The following HSPA4L variants were observed in gnomAD, a reference collection of about 807,000 sequenced individuals.
HSPA4L encodes heat shock protein family A (Hsp70) member 4 like, also known as heat shock 70 kDa protein 4L.
In HSPA4L, 48 loss-of-function variants were observed where a neutral mutation model predicts 100.3. The observed-to-expected ratio is 0.48, with a 90% CI of 0.38 to 0.61. The LOEUF is 0.61. Ranked by LOEUF, HSPA4L falls within the 20% of genes least tolerant of loss-of-function variation. The pLI is 0.00. For synonymous variants in HSPA4L, 319 were observed against 328.2 expected, an observed-to-expected ratio of 0.97 and a Z score of 0.30; for missense variants, 886 against 988.6, an observed-to-expected ratio of 0.90 and a Z score of 1.39.
At chr4:127,823,902 G>A (rs1212951278) in intron 16 of HSPA4L, among the ~76,000 whole-genome samples, 2 of 152,082 alleles carry the variant, frequency 1.3e-5, no homozygotes, top group African/African-American at 4.8e-5. Flanking sequence ...ACAGTATATT[G>A]TTAAGTATAT....
intron 12 of HSPA4L, among the ~76,000 whole-genome samples, chr4:127,817,158 C>G (rs566104330): frequency 1.3e-5 from 2 of 152,006 alleles, no homozygotes; most frequent in Non-Finnish European, 2.9e-5. Context: ...CTCCGCCTCC[C>G]GGGTTCAAGC....
chr4:127,812,077 T>C (rs924724960), intron 12 of HSPA4L, among the ~76,000 whole-genome samples: 1 of 152,150 alleles, frequency 6.6e-6, no homozygotes, highest in Non-Finnish European at 1.5e-5. Flanking sequence ...TCTGAGACAG[T>C]TAAGCAGAGG....
chr4:127,787,343 C>A (rs907302936), intron 1 of HSPA4L, among the ~76,000 whole-genome samples: 3 of 151,992 alleles, frequency 2.0e-5, no homozygotes, highest in Non-Finnish European at 2.9e-5. Flanking sequence ...GTTAAATATT[C>A]TTTTTACTAC....
upstream of HSPA4L, chr4:127,782,133 G>GC: frequency 2.2e-6 from 1 of 452,042 alleles, no homozygotes; most frequent in South Asian, 1.6e-5. Flanking sequence ...TAGCTCAGCA[G>GC]CCTCCATTTT....
intron 8 of HSPA4L, among the ~76,000 whole-genome samples, chr4:127,804,570 C>G (rs1733294002): frequency 6.6e-6 from 1 of 151,536 alleles, no homozygotes; most frequent in Non-Finnish European, 1.5e-5. Flanking sequence ...TACGCCATTG[C>G]ACTCCAGCCT....
Position 127,827,312 on chromosome 4 carries a change from G to C in HSPA4L, c.2054G>C (p.Gly685Ala). Residue 685 changes from glycine to alanine, a missense_variant, in exon 17 of 19, where the codon GGC (glycine) becomes GCC (alanine). Gly to Ala is a moderately conservative substitution (Grantham distance 60, BLOSUM62 0). Coordinates refer to ENST00000296464, the MANE Select transcript of HSPA4L (RefSeq NM_014278.4). Reference protein sequence around the residue: ...VDKLQELKKYGQPIQMKYMEH... With the variant: ...VDKLQELKKYAQPIQMKYMEH... ...AATTTCTTATGTTAACAGAAATACG[G>C]CCAGCCTATTCAAATGAAGTACATG... The C allele has an allele frequency of 6.2e-7, 1 of 1,607,762 alleles. No individual in the cohort carries two copies. The highest frequency in any genetic ancestry group is 8.5e-7 in the Non-Finnish European group (1 of 1,177,448).
intron 12 of HSPA4L, among the ~76,000 whole-genome samples, chr4:127,817,288 A>G (rs1733692351): frequency 1.3e-5 from 2 of 151,250 alleles, no homozygotes; most frequent in African/African-American, 4.9e-5. Context: ...CTGGTCTTGA[A>G]CTCCTGACCT....
intron 1 of HSPA4L, among the ~76,000 whole-genome samples, chr4:127,789,517 G>A (rs539231020): frequency 3.0e-4 from 46 of 151,976 alleles, no homozygotes; most frequent in Admixed American, 2.2e-3. Context: ...GCATGGTGGC[G>A]GGTGCCTGTA....
At chr4:127,804,331 C>G (rs949722987) in intron 8 of HSPA4L, among the ~76,000 whole-genome samples, 6 of 152,060 alleles carry the variant, frequency 3.9e-5, no homozygotes, top group African/African-American at 1.4e-4. Flanking sequence ...TCTGGCCAAG[C>G]ACGGTGGATC....
Sources: gnomAD v4.1 joint callset for allele counts (sites outside exome capture counted in the v4.1 genomes callset) on GRCh38, gnomAD v4.1.1 for gene constraint, MANE v1.5 for transcripts, NCBI Gene and HGNC (gene_info 2026-07-23, HGNC 2026-07-21) for gene names.